KCNJ3: variants seen among roughly 807,000 people sequenced by gnomAD.
The protein encoded by KCNJ3 is G protein-activated inward rectifier potassium channel 1.
KCNJ3 carries 4 observed loss-of-function variants against 39.2 expected under a neutral mutation model. The ratio of observed to expected loss-of-function variants is 0.10; its 90% CI spans 0.05 to 0.23. KCNJ3 has a LOEUF of 0.23. KCNJ3 is among the 10% of genes least tolerant of loss of function. The pLI, the probability that KCNJ3 is intolerant of heterozygous loss-of-function variation, is 1.00. For missense variants in KCNJ3, 276 were observed against 634.9 expected (o/e 0.43, Z 6.08); for synonymous variants, 230 against 237.4 (o/e 0.97, Z 0.29).
intron 2 of KCNJ3, among the ~76,000 whole-genome samples, chr2:154,821,963 A>T (rs761744302): frequency 2.6e-5 from 4 of 151,068 alleles, no homozygotes; most frequent in Admixed American, 6.6e-5. Context: ...TTTTTTTTTT[A>T]AATGTGCATC....
intron 2 of KCNJ3, among the ~76,000 whole-genome samples, chr2:154,838,863 A>G (rs1308346778): frequency 6.6e-6 from 1 of 152,190 alleles, no homozygotes; most frequent in Non-Finnish European, 1.5e-5. Context: ...TTTCTTCTCT[A>G]TGCTAGTGAT....
chr2:154,787,904 T>C (rs1187951303), intron 2 of KCNJ3, among the ~76,000 whole-genome samples: 1 of 152,216 alleles, frequency 6.6e-6, no homozygotes, highest in East Asian at 1.9e-4. Flanking sequence ...TTTATGACAA[T>C]TATTTAACCA....
intron 2 of KCNJ3, among the ~76,000 whole-genome samples, chr2:154,717,356 C>T (rs1174874796): frequency 2.0e-5 from 3 of 152,136 alleles, no homozygotes; most frequent in Non-Finnish European, 4.4e-5. Flanking sequence ...TAAGAGAACA[C>T]CATGATCATA....
At chr2:154,826,587 G>A (rs536581459) in intron 2 of KCNJ3, among the ~76,000 whole-genome samples, 18 of 152,220 alleles carry the variant, frequency 1.2e-4, no homozygotes, top group Non-Finnish European at 1.6e-4. Context: ...GTTAAAACTC[G>A]TTTTATATGG....
At chr2:154,830,445 A>G (rs1687343471) in intron 2 of KCNJ3, among the ~76,000 whole-genome samples, 1 of 152,314 alleles carries the variant, frequency 6.6e-6, no homozygotes, top group Non-Finnish European at 1.5e-5. Context: ...TCAAAACACT[A>G]TAAGATTATT....
At chr2:154,745,809 T>C (rs1376269368) in intron 2 of KCNJ3, among the ~76,000 whole-genome samples, 1 of 152,082 alleles carries the variant, frequency 6.6e-6, no homozygotes, top group African/African-American at 2.4e-5. Flanking sequence ...GCTGGCTTCC[T>C]TTCATACTAC....
chr2:154,771,360 A>G (rs562551320), intron 2 of KCNJ3, among the ~76,000 whole-genome samples: 10 of 152,350 alleles, frequency 6.6e-5, no homozygotes, highest in African/African-American at 2.2e-4. Flanking sequence ...CATCACTTAC[A>G]TAAGCTAAAT....
intron 2 of KCNJ3, among the ~76,000 whole-genome samples, chr2:154,739,140 T>G (rs1685599167): frequency 6.6e-6 from 1 of 152,080 alleles, no homozygotes; most frequent in South Asian, 2.1e-4. Flanking sequence ...TTTTTATACT[T>G]TTTAGTATAA....
At chr2:154,753,118 A>G (rs1685877042) in intron 2 of KCNJ3, among the ~76,000 whole-genome samples, 1 of 152,060 alleles carries the variant, frequency 6.6e-6, no homozygotes, top group Non-Finnish European at 1.5e-5. Context: ...TGCAATGACC[A>G]TTGTTTTCGT....
At chr2:154,807,479 A>G (rs539013539) in intron 2 of KCNJ3, among the ~76,000 whole-genome samples, 1 of 152,328 alleles carries the variant, frequency 6.6e-6, no homozygotes, top group Non-Finnish European at 1.5e-5. Context: ...AAGGTCTCCA[A>G]TTCAGCTAAG....
At chr2:154,719,015 A>G (rs1020524793) in intron 2 of KCNJ3, among the ~76,000 whole-genome samples, 4 of 152,170 alleles carry the variant, frequency 2.6e-5, no homozygotes, top group African/African-American at 9.7e-5. Flanking sequence ...AGTTACAAGG[A>G]ACTGCACAAT....
At chr2:154,785,603 T>C (rs778216450) in intron 2 of KCNJ3, among the ~76,000 whole-genome samples, 4 of 152,186 alleles carry the variant, frequency 2.6e-5, no homozygotes, top group Non-Finnish European at 4.4e-5. Flanking sequence ...CACCATGTGA[T>C]GCCTTTTGCT....
intron 2 of KCNJ3, 31 bp from the exon 3 acceptor site, chr2:154,854,696 A>G (rs1236330281): frequency 6.5e-7 from 1 of 1,548,800 alleles, no homozygotes; most frequent in East Asian, 2.3e-5. Context: ...CACTATGCAT[A>G]ATTTATCAAG....
chr2:154,759,736 C>T (rs550526828), intron 2 of KCNJ3, among the ~76,000 whole-genome samples: 10 of 151,938 alleles, frequency 6.6e-5, no homozygotes, highest in Non-Finnish European at 1.5e-4. Context: ...ATTGATTGTT[C>T]TACTTTTAAA....
chr2:154,777,392 G>T (rs1385680101), intron 2 of KCNJ3, among the ~76,000 whole-genome samples: 2 of 152,154 alleles, frequency 1.3e-5, no homozygotes, highest in Non-Finnish European at 2.9e-5. Context: ...TATTGGGTTA[G>T]CCAGGTTGGC....
chr2:154,773,346 G>A (rs1273867357), intron 2 of KCNJ3, among the ~76,000 whole-genome samples: 1 of 152,082 alleles, frequency 6.6e-6, no homozygotes, highest in African/African-American at 2.4e-5. Flanking sequence ...TGATGGTTAA[G>A]GATGATATAT....
intron 2 of KCNJ3, among the ~76,000 whole-genome samples, chr2:154,803,672 C>T (rs1686860559): frequency 1.3e-5 from 2 of 151,814 alleles, no homozygotes; most frequent in African/African-American, 4.8e-5. Context: ...GGTATGTTGA[C>T]ATTTATTTTT....
At chr2:154,837,270 A>AAAAT (rs35156235) in intron 2 of KCNJ3, among the ~76,000 whole-genome samples, 1,771 of 151,562 alleles carry the variant, frequency 0.012, 34 homozygotes, top group African/African-American at 0.041. Flanking sequence ...TTTTTGTGCA[A>AAAAT]AATTCATGAT....
intron 2 of KCNJ3, among the ~76,000 whole-genome samples, chr2:154,805,287 C>T (rs1398207277): frequency 6.6e-6 from 1 of 151,962 alleles, no homozygotes; most frequent in Non-Finnish European, 1.5e-5. Context: ...TTGCCATCAG[C>T]CTGGGGTAGG....
Sources: allele counts gnomAD v4.1 joint callset (sites outside exome capture counted in the v4.1 genomes callset), GRCh38; gene constraint gnomAD v4.1.1; transcripts MANE v1.5; gene names NCBI Gene and HGNC (gene_info 2026-07-23, HGNC 2026-07-21).